Variants in GRID2 observed in about 807,000 individuals in gnomAD.
The protein encoded by GRID2 is glutamate receptor ionotropic, delta-2.
GRID2 carries 33 observed loss-of-function variants against 114.8 expected under a neutral mutation model. That is an observed-to-expected ratio of 0.29 (90% CI 0.22 to 0.38). GRID2 has a LOEUF of 0.38. GRID2 is among the 10% of genes least tolerant of loss of function. GRID2 has a pLI of 1.00. For missense variants in GRID2, 1,184 were observed against 1,257.7 expected (o/e 0.94, Z 0.89); for synonymous variants, 505 against 449.9 (o/e 1.12, Z -1.55).
intron 1 of GRID2, among the ~76,000 whole-genome samples, chr4:92,381,400 C>T (rs897279974): frequency 2.0e-5 from 3 of 151,980 alleles, no homozygotes; most frequent in African/African-American, 7.2e-5. Flanking sequence ...TTTCCTAGTA[C>T]TTGTAATTTC....
chr4:93,406,712 C>T (rs1560587322), intron 9 of GRID2, among the ~76,000 whole-genome samples: 1 of 152,060 alleles, frequency 6.6e-6, no homozygotes, highest in Non-Finnish European at 1.5e-5. Context: ...AGGTGAATAT[C>T]TAAATATCTA....
intron 13 of GRID2, among the ~76,000 whole-genome samples, chr4:93,533,373 CTCTTTCTTTCTT>C (rs140886175): frequency 4.9e-5 from 6 of 122,280 alleles, no homozygotes; most frequent in Non-Finnish European, 3.4e-5. Context: ...ACTTCTCTCT[CTCTTTCTTTCTT>C]TCTTTCTTTC....
At chr4:93,456,033 C>A (rs1723157767) in intron 11 of GRID2, 59 bp downstream of exon 11, 3 of 985,708 alleles carry the variant, frequency 3.0e-6, no homozygotes, top group Admixed American at 1.8e-5. Context: ...GTTTCCAAAG[C>A]CATGTATTCA....
chr4:93,319,098 A>G (rs1222714625), intron 8 of GRID2, among the ~76,000 whole-genome samples: 3 of 152,026 alleles, frequency 2.0e-5, no homozygotes, highest in African/African-American at 7.2e-5. Context: ...GGTTCTTGTG[A>G]GCTGGAACAA....
chr4:93,492,934 A>G (rs1727159707), intron 12 of GRID2, among the ~76,000 whole-genome samples: 1 of 151,740 alleles, frequency 6.6e-6, no homozygotes, highest in Non-Finnish European at 1.5e-5. Context: ...GGCAACCACC[A>G]TTCTACTCCT....
intron 4 of GRID2, among the ~76,000 whole-genome samples, chr4:93,193,512 G>A (rs1029338657): frequency 2.0e-5 from 3 of 152,062 alleles, no homozygotes; most frequent in East Asian, 1.9e-4. Flanking sequence ...GAAGAAGGAC[G>A]TGTTTGCTTC....
chr4:93,286,649 G>A (rs932132507), intron 8 of GRID2, among the ~76,000 whole-genome samples: 1 of 151,200 alleles, frequency 6.6e-6, no homozygotes, highest in Non-Finnish European at 1.5e-5. Flanking sequence ...TCAATTGTGA[G>A]CCCCTCAATG....
chr4:93,682,548 T>C (rs981838154), intron 14 of GRID2, among the ~76,000 whole-genome samples: 1 of 152,016 alleles, frequency 6.6e-6, no homozygotes, highest in Admixed American at 6.6e-5. Context: ...CCAACAATGA[T>C]AGACTGGATT....
chr4:93,633,464 T>C (rs923947600), intron 14 of GRID2, among the ~76,000 whole-genome samples: 2 of 152,142 alleles, frequency 1.3e-5, no homozygotes, highest in African/African-American at 4.8e-5. Context: ...CGTGTGTTTG[T>C]ACATCTCTAG....
At chr4:92,856,326 C>T (rs563113035) in intron 2 of GRID2, among the ~76,000 whole-genome samples, 2 of 152,118 alleles carry the variant, frequency 1.3e-5, no homozygotes, top group African/African-American at 4.8e-5. Context: ...ACCAAAACTC[C>T]ACCTCCCATT....
chr4:93,469,265 T>A (rs1008208457), intron 11 of GRID2, among the ~76,000 whole-genome samples: 1 of 152,096 alleles, frequency 6.6e-6, no homozygotes, highest in African/African-American at 2.4e-5. Flanking sequence ...GAATAAATGC[T>A]ATTTCACAAA....
intron 1 of GRID2, among the ~76,000 whole-genome samples, chr4:92,389,037 T>C (rs1730119010): frequency 6.6e-6 from 1 of 152,044 alleles, no homozygotes; most frequent in Non-Finnish European, 1.5e-5. Flanking sequence ...AACCCAAAGT[T>C]TGTCAAACAT....
At chr4:93,302,894 T>G (rs759870493) in intron 8 of GRID2, among the ~76,000 whole-genome samples, 59 of 152,212 alleles carry the variant, frequency 3.9e-4, no homozygotes, top group Non-Finnish European at 8.1e-4. Context: ...GGTTAAAGAA[T>G]GTATATTAGT....
chr4:92,572,413 AG>A (rs1727674504), intron 1 of GRID2, among the ~76,000 whole-genome samples: 1 of 151,512 alleles, frequency 6.6e-6, no homozygotes, highest in African/African-American at 2.4e-5. Context: ...AATCAAAAAA[AG>A]TCCAGGACCA....
intron 14 of GRID2, among the ~76,000 whole-genome samples, chr4:93,696,697 A>G (rs979615564): frequency 6.6e-6 from 1 of 152,202 alleles, no homozygotes; most frequent in Non-Finnish European, 1.5e-5. Flanking sequence ...CAAATTTGAA[A>G]CTAGAAGTGC....
At chr4:92,882,510 T>A (rs993075580) in intron 2 of GRID2, among the ~76,000 whole-genome samples, 9 of 152,126 alleles carry the variant, frequency 5.9e-5, no homozygotes, top group Non-Finnish European at 1.3e-4. Flanking sequence ...ATTTTTTTTT[T>A]AATTTCAAAT....
chr4:93,302,232 T>C (rs753228054), intron 8 of GRID2, among the ~76,000 whole-genome samples: 1 of 152,250 alleles, frequency 6.6e-6, no homozygotes, highest in Non-Finnish European at 1.5e-5. Context: ...AAAGTATTAT[T>C]ATCAAGTACA....
chr4:92,808,623 G>T (rs1740525926), intron 2 of GRID2, among the ~76,000 whole-genome samples: 1 of 151,934 alleles, frequency 6.6e-6, no homozygotes, highest in African/African-American at 2.4e-5. Flanking sequence ...TTTATAAACA[G>T]GACCAGAGAA....
chr4:93,016,892 T>A (rs966356481), intron 2 of GRID2, among the ~76,000 whole-genome samples: 2 of 152,192 alleles, frequency 1.3e-5, no homozygotes, highest in African/African-American at 2.4e-5. Flanking sequence ...CTATTTTTTT[T>A]AAATGACTTT....
Sources: allele counts gnomAD v4.1 joint callset (sites outside exome capture counted in the v4.1 genomes callset), GRCh38; gene constraint gnomAD v4.1.1; transcripts MANE v1.5; gene names NCBI Gene and HGNC (gene_info 2026-07-23, HGNC 2026-07-21).